The following WRNIP1 variants were observed in gnomAD, a reference collection of about 807,000 sequenced individuals.
WRNIP1 encodes the protein ATPase WRNIP1.
Under a neutral mutation model 56.1 loss-of-function variants are expected in WRNIP1, and 41 were observed. The observed-to-expected ratio is 0.73, with a 90% CI of 0.57 to 0.95. The LOEUF is 0.95. Among genes scored for constraint, WRNIP1 ranks in the 40% least tolerant of loss-of-function variants. The pLI, the probability that WRNIP1 is intolerant of heterozygous loss-of-function variation, is 0.00. For synonymous variants in WRNIP1, 547 were observed against 398.1 expected, an observed-to-expected ratio of 1.37 and a Z score of -4.45; for missense variants, 1,170 against 939.4, an observed-to-expected ratio of 1.25 and a Z score of -3.21.
rs919277646 is a variant in WRNIP1, at chr6:2,785,160, A to T, written c.1876A>T (p.Met626Leu). The change falls in exon 7 of 7, where the codon ATG (methionine) becomes TTG (leucine). Residue 626 changes from methionine to leucine, a missense_variant. By Grantham distance (15) the Met-to-Leu change is conservative. Transcript: ENST00000380773. ...CCTGAGGAACGCGCCCACTAGGCTGATGAAGGATTTGGGCTATGGCAAAGG... is the reference window on the plus strand; with the variant it reads ...CCTGAGGAACGCGCCCACTAGGCTGTTGAAGGATTTGGGCTATGGCAAAGG... ...LHLRNAPTRL[M>L]KDLGYGKGYK... 2.5e-6 allele frequency: 4 copies of T among 1,614,190 alleles called. No homozygotes were observed. Among genetic ancestry groups the T allele is most frequent in the Non-Finnish European group, 3.4e-6 (4 of 1,180,046 alleles).
In WRNIP1 at chr6:2,785,066, C is replaced by A. The variant is rs561958922; in HGVS notation, c.1782C>A (p.Tyr594Ter). ...FARAPKSIEV[Y>*]SAYNNVKACL... ...GAGCCCCAAAGTCCATTGAGGTGTA[C>A]AGCGCCTACAACAACGTCAAAGCCT... is the stretch of plus-strand genomic sequence containing the variant. Residue 594 changes from tyrosine to a stop codon, truncating the protein, a stop_gained, in exon 7 of 7, where the codon TAC (tyrosine) becomes TAA (stop). Coordinates refer to ENST00000380773, the MANE Select transcript of WRNIP1 (RefSeq NM_020135.3). LOFTEE classifies it high-confidence loss of function. 6.2e-7 allele frequency: 1 copy of A among 1,614,164 alleles called. No homozygotes were observed. Among genetic ancestry groups the A allele is most frequent in the African/African-American group, 1.3e-5 (1 of 75,026 alleles).
At chr6:2,777,030 G>C (rs3823106) in intron 3 of WRNIP1, among the ~76,000 whole-genome samples, 1 of 152,104 alleles carries the variant, frequency 6.6e-6, no homozygotes, top group African/African-American at 2.4e-5. Flanking sequence ...TTTTGTTTTA[G>C]GTTAGCTGTA....
rs1169055738 is a variant in WRNIP1, at chr6:2,765,479, G to C, written c.-144G>C. 2.4e-5 allele frequency: 26 copies of C among 1,070,084 alleles called. No homozygotes were observed. The highest frequency in any genetic ancestry group is 1.8e-4 in the Admixed American group (4 of 22,254). 66.3% of individuals were successfully genotyped at this position (1,070,084 alleles called of 1,614,324 possible). On this transcript the variant is annotated 5_prime_UTR_variant, in exon 1 of 7. Transcript: ENST00000380773. ...GAGCTGCGGACGTGAGGCATGAGCG[G>C]CGCCCTCCTCCGGCCCGCGAGCGTC...
At chr6:2,782,795 G>C (rs1474927723) in intron 4 of WRNIP1, among the ~76,000 whole-genome samples, 9 of 152,214 alleles carry the variant, frequency 5.9e-5, no homozygotes, top group African/African-American at 2.2e-4. Flanking sequence ...CGGTGAGAGA[G>C]TGGGCTTCCG....
At chr6:2,783,653 T>TTTTTTTTTTTGG in intron 5 of WRNIP1, 92 bp downstream of exon 5, 6 of 120,082 alleles carry the variant, frequency 5.0e-5, no homozygotes, top group Admixed American at 5.7e-4. Context: ...TTTTTTTTTT[T>TTTTTTTTTTTGG]GCAGGGCGGG....
At chr6:2,773,668 A>G (rs1036498471) in intron 3 of WRNIP1, 3 of 985,268 alleles carry the variant, frequency 3.0e-6, no homozygotes, top group African/African-American at 1.7e-5. Flanking sequence ...GCTGCTGAAA[A>G]TGAAAAAGTA....
chr6:2,771,174 G>A (rs1201964737), intron 3 of WRNIP1, among the ~76,000 whole-genome samples: 2 of 152,286 alleles, frequency 1.3e-5, no homozygotes, highest in South Asian at 2.1e-4. Context: ...GCAGCTGCTC[G>A]TGCCTGCCCT....
rs923770694 is a variant in WRNIP1 at position 2,786,224 on chromosome 6, C to T, written c.*942C>T. ...CGTGATCCCTCCTGGGGTCCTCCTG[C>T]CATGTCTGGAAGGCTGCCGGCTGTT... On this transcript the variant is annotated 3_prime_UTR_variant, in exon 7 of 7. Transcript: ENST00000380773. 1 of 152,382 alleles carries T rather than the reference C, an allele frequency of 6.6e-6. No individual in the cohort carries two copies. Among genetic ancestry groups the T allele is most frequent in the Non-Finnish European group, 1.5e-5 (1 of 68,152 alleles). 9.4% of individuals were successfully genotyped at this position (152,382 alleles called of 1,614,324 possible).
At chr6:2,782,823 G>A (rs1211983360) in intron 4 of WRNIP1, among the ~76,000 whole-genome samples, 1 of 152,222 alleles carries the variant, frequency 6.6e-6, no homozygotes, top group Non-Finnish European at 1.5e-5. Flanking sequence ...CAGGGCGGAA[G>A]CTGGTTAGTC....
intron 1 of WRNIP1, among the ~76,000 whole-genome samples, chr6:2,766,928 C>T (rs1342637373): frequency 1.3e-5 from 2 of 152,146 alleles, no homozygotes; most frequent in African/African-American, 4.8e-5. Context: ...GTTGGTTTAA[C>T]AGACTGGTAT....
chr6:2,784,239 G>A, intron 5 of WRNIP1, 85 bp from the exon 6 acceptor site: 1 of 1,282,762 alleles, frequency 7.8e-7, no homozygotes, highest in East Asian at 2.4e-5. Flanking sequence ...TGTACAAGCA[G>A]TGGTGGTCTG....
chr6:2,773,988 C>G (rs1220286433), intron 3 of WRNIP1: 1 of 985,082 alleles, frequency 1.0e-6, no homozygotes, highest in Non-Finnish European at 1.2e-6. Flanking sequence ...GACAAGCTGG[C>G]CCCCAAACAA....
chr6:2,766,348 G>C lies in WRNIP1; in HGVS notation c.726G>C (p.Gln242His), dbSNP rs775462484. The change falls in exon 1 of 7, where the codon CAG becomes CAC. Residue 242 changes from glutamine (Q) to histidine (H), a missense_variant. Coordinates refer to ENST00000380773, the MANE Select transcript of WRNIP1 (RefSeq NM_020135.3). The stretch of plus-strand genomic sequence containing the variant: ...ACACGCTGCAGGATTACTTCGGGCA[G>C]AGCAAGGCCGTGGGCCAGGATACCC... The part of the protein sequence containing the change: ...RPDTLQDYFG[Q>H]SKAVGQDTLL... The C allele has an allele frequency of 1.4e-5, 23 of 1,610,522 alleles. No homozygotes were observed. The highest frequency in any genetic ancestry group is 4.0e-5 in the African/African-American group (3 of 74,896).
rs139701483 is a variant in WRNIP1 at position 2,770,651 on chromosome 6, G to T, written c.1256+290G>T. On this transcript the variant is annotated intron_variant, in intron 3 of 6. Transcript: ENST00000380773. ...CTTGGGTGTTTGCTTTTGTGCTTAG[G>T]CTTCTATGGGAAGCCTTATTGATGA... Among the ~76,000 whole-genome samples, 20 of 152,190 alleles carry T rather than the reference G, an allele frequency of 1.3e-4. No individual in the cohort carries two copies. The East Asian group carries it at 3.7e-3, about 28-fold the overall frequency.
chr6:2,770,422 G>A (rs2113459725), intron 3 of WRNIP1, 61 bp downstream of exon 3: 1 of 1,593,360 alleles, frequency 6.3e-7, no homozygotes, highest in Non-Finnish European at 8.6e-7. Context: ...TCCTGGCAGG[G>A]GGCCAGAAAG....
At position 2,766,356 on chromosome 6, in the gene WRNIP1, C is replaced by G. The variant is rs1359709967; in HGVS notation, c.734C>G (p.Ala245Gly). ...CAGGATTACTTCGGGCAGAGCAAGG[C>G]CGTGGGCCAGGATACCCTGCTGCGC... ...TLQDYFGQSK[A>G]VGQDTLLRSL... The change falls in exon 1 of 7, where the codon GCC becomes GGC. Residue 245 changes from alanine to glycine, a missense_variant. Ala to Gly is a moderately conservative substitution (Grantham distance 60, BLOSUM62 0). Coordinates refer to ENST00000380773, the MANE Select transcript of WRNIP1 (RefSeq NM_020135.3). 3 of 1,610,362 alleles carry G rather than the reference C, an allele frequency of 1.9e-6. No individual in the cohort carries two copies. The highest frequency in any genetic ancestry group is 3.3e-5 in the Admixed American group (2 of 59,808).
chr6:2,776,682 T>C (rs1199547418), intron 3 of WRNIP1, among the ~76,000 whole-genome samples: 1 of 152,232 alleles, frequency 6.6e-6, no homozygotes, highest in East Asian at 1.9e-4. Flanking sequence ...CTGTCCTAAT[T>C]AATAAGGCCT....
Position 2,785,503 on chromosome 6 carries a change from AAATACCT to A in WRNIP1, c.*222_*228del. ...CTCGGTGCAGCGGTTATGCTTATGAAAATACCTGGCAGCTTTGTGCAATGAATTAATG... is the reference window on the plus strand; with the variant it reads ...CTCGGTGCAGCGGTTATGCTTATGAAGGCAGCTTTGTGCAATGAATTAATG... On this transcript the variant is annotated 3_prime_UTR_variant, in exon 7 of 7. Transcript: ENST00000380773. 9.0e-6 allele frequency: 5 copies of A among 556,424 alleles called. No homozygotes were observed. The highest frequency in any genetic ancestry group is 1.6e-5 in the Non-Finnish European group (5 of 316,348). The allele number at this position is 556,424 out of a possible 1,614,324, so 34.5% of individuals were successfully genotyped here.
At chr6:2,775,547 C>T (rs1191298423) in intron 3 of WRNIP1, among the ~76,000 whole-genome samples, 1 of 152,176 alleles carries the variant, frequency 6.6e-6, no homozygotes, top group Non-Finnish European at 1.5e-5. Context: ...TTTCATTCTG[C>T]CTTGAAATAA....
Sources: gnomAD v4.1 joint callset for allele counts (sites outside exome capture counted in the v4.1 genomes callset) on GRCh38, gnomAD v4.1.1 for gene constraint, MANE v1.5 for transcripts, NCBI Gene and HGNC (gene_info 2026-07-23, HGNC 2026-07-21) for gene names.